Variants in ZFAND4 observed in about 807,000 individuals in gnomAD.
ZFAND4 encodes AN1-type zinc finger protein 4.
In ZFAND4, 43 loss-of-function variants were observed where a neutral mutation model predicts 64.4. The observed-to-expected ratio is 0.67, with a 90% CI of 0.52 to 0.86. The LOEUF (loss-of-function observed/expected upper bound fraction) is 0.86. Ranked by LOEUF, ZFAND4 falls within the 40% of genes least tolerant of loss-of-function variation. The pLI is 0.00. For synonymous variants in ZFAND4, 296 were observed against 305.7 expected (o/e 0.97, Z 0.33); for missense variants, 929 against 859.8 (o/e 1.08, Z -1.01).
At chr10:45,663,882 G>C in intron 1 of ZFAND4, 40 bp from the exon 2 acceptor site, 1 of 561,216 alleles carries the variant, frequency 1.8e-6, no homozygotes, top group Non-Finnish European at 2.9e-6. Context: ...CTATCTGAAA[G>C]TTGTATTTGT....
chr10:45,617,775 CT>C (rs1286652696), intron 9 of ZFAND4: 1 of 152,134 alleles, frequency 6.6e-6, no homozygotes, highest in African/African-American at 2.4e-5. Context: ...TATTATTCAT[CT>C]ATTTTATATT....
At position 45,649,969 on chromosome 10, in the gene ZFAND4, A is replaced by G. The variant is rs139241018; in HGVS notation, c.329-1435T>C. ...TGTGTGGATCTTCTCATAACAGAAA[A>G]ATCTTTCAGATTTTATCAGCTATAA... On this transcript the variant is annotated intron_variant, in intron 4 of 9. Coordinates refer to ENST00000344646, the MANE Select transcript of ZFAND4 (RefSeq NM_174890.4). Among the ~76,000 whole-genome samples the G allele has an allele frequency of 9.8e-3, 1,487 of 152,224 alleles. 28 individuals carry two copies. The highest frequency in any genetic ancestry group is 0.034 in the African/African-American group (1,417 of 41,528).
chr10:45,639,726 AAT>A, intron 6 of ZFAND4, 88 bp downstream of exon 6: 1 of 1,428,184 alleles, frequency 7.0e-7, no homozygotes, highest in Non-Finnish European at 9.3e-7. Flanking sequence ...AATACTTTAT[AAT>A]TTTTTCACAA....
chr10:45,648,448 G>A lies in ZFAND4; in HGVS notation c.415C>T (p.Gln139Ter), dbSNP rs2047540287. 1.9e-6 allele frequency: 3 copies of A among 1,613,838 alleles called. No homozygotes were observed. The highest frequency in any genetic ancestry group is 2.5e-6 in the Non-Finnish European group (3 of 1,179,912). Residue 139 changes from glutamine to a stop codon, truncating the protein, a stop_gained, in exon 5 of 10, where the codon CAA becomes TAA. Coordinates refer to ENST00000344646, the MANE Select transcript of ZFAND4 (RefSeq NM_174890.4). LOFTEE classifies it high-confidence loss of function. ...EVWEKTSCSK[Q>*]VTFLVYQEGD... ...TCTTGGTATACCAAAAATGTAACTT[G>A]TTTGCTGCAGGAGGTCTTCTCCCAG...
chr10:45,648,387 C>T lies in ZFAND4; in HGVS notation c.476G>A (p.Arg159Lys). 6.2e-7 allele frequency: 1 copy of T among 1,614,070 alleles called. No homozygotes were observed. Among genetic ancestry groups the T allele is most frequent in the Non-Finnish European group, 8.5e-7 (1 of 1,179,970 alleles). The change falls in exon 5 of 10, where the codon AGG (arginine) becomes AAG (lysine). Residue 159 changes from arginine (R) to lysine (K), a missense_variant. Transcript: ENST00000344646. Reference sequence around the variant, plus strand: ...TAACGGTGTTAAAGTGCCATCTCCCCTATCTACTGCAGGAAAGAAATTCAA... The same window carrying T: ...TAACGGTGTTAAAGTGCCATCTCCCTTATCTACTGCAGGAAAGAAATTCAA... ...DQLNFFPAVDRGDGTLTPLSD... is the reference protein window; with the variant it reads ...DQLNFFPAVDKGDGTLTPLSD...
intron 2 of ZFAND4, among the ~76,000 whole-genome samples, chr10:45,653,348 C>G (rs1474286794): frequency 6.6e-6 from 1 of 152,128 alleles, no homozygotes; most frequent in Admixed American, 6.5e-5. Context: ...TATCATGCTC[C>G]TGCACAGCAA....
At chr10:45,656,004 G>A (rs1589405882) in intron 2 of ZFAND4, among the ~76,000 whole-genome samples, 1 of 152,268 alleles carries the variant, frequency 6.6e-6, no homozygotes, top group Non-Finnish European at 1.5e-5. Context: ...GGCCGAGGTG[G>A]GTGGATCACG....
rs1247883684 is a variant in ZFAND4, at chr10:45,646,685, G to A, written c.569+1609C>T. Among the ~76,000 whole-genome samples, 7 of 152,104 alleles carry A rather than the reference G, an allele frequency of 4.6e-5. No homozygotes were observed. In the East Asian group the frequency reaches 5.8e-4, roughly 13 times the overall value. On this transcript the variant is annotated intron_variant, in intron 5 of 9. Coordinates refer to ENST00000344646, the MANE Select transcript of ZFAND4 (RefSeq NM_174890.4). ...AGACCTGGAAAACTGATGGTAACAC[G>A]TTGTCAAAGGACTCATACGCTAAGC... is the stretch of plus-strand genomic sequence containing the variant.
chr10:45,618,583 G>T (rs1359663904), intron 8 of ZFAND4, among the ~76,000 whole-genome samples: 1 of 152,148 alleles, frequency 6.6e-6, no homozygotes, highest in Non-Finnish European at 1.5e-5. Context: ...AAAGAAAAAT[G>T]TCTGCTTCAA....
At chr10:45,662,710 C>CAT in intron 2 of ZFAND4, 1 of 962,244 alleles carries the variant, frequency 1.0e-6, no homozygotes, top group Non-Finnish European at 1.2e-6. Flanking sequence ...TTCAGGAGCT[C>CAT]ATATATATCC....
chr10:45,654,753 A>G (rs2047992768), intron 2 of ZFAND4, among the ~76,000 whole-genome samples: 1 of 152,226 alleles, frequency 6.6e-6, no homozygotes, highest in African/African-American at 2.4e-5. Flanking sequence ...ATTACAAAAA[A>G]AGACAAAGAA....
intron 9 of ZFAND4, 47 bp from the exon 10 acceptor site, chr10:45,616,618 G>A (rs754480873): frequency 6.2e-7 from 1 of 1,607,428 alleles, no homozygotes; most frequent in Non-Finnish European, 8.5e-7. Context: ...TTCTATGAAA[G>A]GCTCATCTGT....
chr10:45,662,730 C>CA (rs906321525), intron 2 of ZFAND4: 218 of 936,782 alleles, frequency 2.3e-4, no homozygotes, highest in Non-Finnish European at 2.6e-4. Flanking sequence ...CTTGGCCTCA[C>CA]AAAAATGAAA....
In ZFAND4 at chr10:45,626,702, A is replaced by C; in HGVS notation, c.1121T>G (p.Leu374Trp). The C allele has an allele frequency of 6.2e-7, 1 of 1,614,210 alleles. No homozygotes were observed. Among genetic ancestry groups the C allele is most frequent in the Non-Finnish European group, 8.5e-7 (1 of 1,180,040 alleles). Residue 374 changes from leucine to tryptophan, a missense_variant, in exon 7 of 10, where the codon TTG becomes TGG. Physicochemically the swap from Leu to Trp is moderately conservative, Grantham distance 61 (BLOSUM62 -2). Transcript: ENST00000344646. ...GACAATGTTCCCATTACTAGATGGCAAGTTTCCTAAAAAATGTTTTGTTTG... is the reference window on the plus strand; with the variant it reads ...GACAATGTTCCCATTACTAGATGGCCAGTTTCCTAAAAAATGTTTTGTTTG... ...PRQTKHFLGN[L>W]PSSNGNIVLP...
At chr10:45,635,214 C>CAAAAAAAAAAAAAAAAAAA (rs76130878) in intron 6 of ZFAND4, among the ~76,000 whole-genome samples, 10 of 68,248 alleles carry the variant, frequency 1.5e-4, no homozygotes, top group African/African-American at 2.3e-4. Context: ...AAAAAAAAAA[C>CAAAAAAAAAAAAAAAAAAA]AAAAAAAAAA....
At chr10:45,654,132 G>C (rs78034568) in intron 2 of ZFAND4, among the ~76,000 whole-genome samples, 9,726 of 152,198 alleles carry the variant, frequency 0.064, 437 homozygotes, top group African/African-American at 0.12. Flanking sequence ...TATATATGGA[G>C]ACAAAGATGG....
intron 7 of ZFAND4, among the ~76,000 whole-genome samples, chr10:45,625,730 C>G (rs909498145): frequency 6.6e-6 from 1 of 152,110 alleles, no homozygotes; most frequent in Non-Finnish European, 1.5e-5. Flanking sequence ...AAACTGTTTA[C>G]ATTAACTTAT....
At chr10:45,651,413 T>A (rs1305999507) in intron 4 of ZFAND4, 1 of 354,036 alleles carries the variant, frequency 2.8e-6, no homozygotes, top group East Asian at 7.4e-5. Flanking sequence ...TTCTCTCCCA[T>A]GTCTACCATA....
intron 7 of ZFAND4, 28 bp from the exon 8 acceptor site, chr10:45,624,665 G>A (rs756441589): frequency 6.3e-7 from 1 of 1,583,148 alleles, no homozygotes; most frequent in Non-Finnish European, 8.7e-7. Flanking sequence ...AACATCTATA[G>A]AGGTGAGTCA....
Sources: allele counts gnomAD v4.1 joint callset (sites outside exome capture counted in the v4.1 genomes callset), GRCh38; gene constraint gnomAD v4.1.1; transcripts MANE v1.5; gene names NCBI Gene and HGNC (gene_info 2026-07-23, HGNC 2026-07-21).